TRIM44: variants seen among roughly 807,000 people sequenced by gnomAD.
The protein encoded by TRIM44 is tripartite motif-containing protein 44.
In TRIM44, 13 loss-of-function variants were observed where a neutral mutation model predicts 37.4. The ratio of observed to expected loss-of-function variants is 0.35; its 90% CI spans 0.23 to 0.55. The LOEUF (loss-of-function observed/expected upper bound fraction) is 0.55. TRIM44 is among the 20% of genes least tolerant of loss of function. The pLI is 0.89. For missense variants in TRIM44, 426 were observed against 437.2 expected, an observed-to-expected ratio of 0.97 and a Z score of 0.23; for synonymous variants, 175 against 157.2, an observed-to-expected ratio of 1.11 and a Z score of -0.85.
chr11:35,750,484 C>T (rs1048432939), intron 4 of TRIM44, among the ~76,000 whole-genome samples: 27 of 152,108 alleles, frequency 1.8e-4, no homozygotes, highest in Non-Finnish European at 3.2e-4. Context: ...CAAAGGCCAC[C>T]TTCTTGGAGC....
chr11:35,727,448 C>T (rs769971361), intron 3 of TRIM44, among the ~76,000 whole-genome samples: 9 of 152,162 alleles, frequency 5.9e-5, no homozygotes, highest in African/African-American at 2.2e-4. Flanking sequence ...TCCAAGCTAT[C>T]CTGACAGGAA....
At chr11:35,687,828 C>T (rs1156397104) in intron 2 of TRIM44, among the ~76,000 whole-genome samples, 2 of 152,180 alleles carry the variant, frequency 1.3e-5, no homozygotes, top group Non-Finnish European at 2.9e-5. Flanking sequence ...TGTATACCTG[C>T]ACCTCTTTTT....
intron 1 of TRIM44, among the ~76,000 whole-genome samples, chr11:35,684,620 C>T (rs965286215): frequency 6.6e-6 from 1 of 152,142 alleles, no homozygotes; most frequent in Non-Finnish European, 1.5e-5. Flanking sequence ...AATTAATCAA[C>T]TAGTTAATGG....
At chr11:35,797,944 GTT>G (rs1056163979) in intron 4 of TRIM44, among the ~76,000 whole-genome samples, 3 of 152,174 alleles carry the variant, frequency 2.0e-5, no homozygotes, top group Non-Finnish European at 4.4e-5. Context: ...AATTTAAAAA[GTT>G]TATTTTGCCA....
chr11:35,800,125 G>T (rs561662505), intron 4 of TRIM44, among the ~76,000 whole-genome samples: 2 of 152,040 alleles, frequency 1.3e-5, no homozygotes, highest in Non-Finnish European at 2.9e-5. Context: ...TAAAGGTGGC[G>T]TGTCCAGAGT....
chr11:35,663,462 T>G lies in TRIM44; in HGVS notation c.351T>G (p.Ser117Arg), dbSNP rs1590482693. 2 of 1,560,838 alleles carry G rather than the reference T, an allele frequency of 1.3e-6. No individual in the cohort carries two copies. The highest frequency in any genetic ancestry group is 3.9e-5 in the Admixed American group (2 of 51,482). The change falls in exon 1 of 5, where the codon AGT becomes AGG. Residue 117 changes from serine to arginine, a missense_variant. Around this residue, in one of 2 missense-constraint regions of TRIM44, gnomAD observed 331 missense variants for 303.0 expected, o/e 1.09. Transcript: ENST00000299413. ...SEEESETEEE[S>R]EDESDEESEE... ...AAGAGAGCGAGACAGAGGAAGAGAG[T>G]GAGGATGAGAGCGATGAGGAGAGTG...
intron 4 of TRIM44, among the ~76,000 whole-genome samples, chr11:35,785,174 A>C (rs1853115496): frequency 6.6e-6 from 1 of 152,238 alleles, no homozygotes; most frequent in Non-Finnish European, 1.5e-5. Flanking sequence ...TCTGAATTGA[A>C]TCTGACTTCC....
chr11:35,674,848 A>G lies in TRIM44; in HGVS notation c.670-10411A>G, dbSNP rs182165160. 3.4e-3 allele frequency among the ~76,000 whole-genome samples: 514 copies of G among 152,338 alleles called. 1 individual carries two copies. The highest frequency in any genetic ancestry group is 0.01 in the Middle Eastern group (3 of 294). ...GTATTAGAGAAAAGGTACAAACAGTATGCTATGGAAGTGGAGAGAAAAGAG... is the reference window on the plus strand; with the variant it reads ...GTATTAGAGAAAAGGTACAAACAGTGTGCTATGGAAGTGGAGAGAAAAGAG... On this transcript the variant is annotated intron_variant, in intron 1 of 4. Coordinates refer to ENST00000299413, the MANE Select transcript of TRIM44 (RefSeq NM_017583.6).
intron 4 of TRIM44, among the ~76,000 whole-genome samples, chr11:35,763,828 C>A (rs1186306050): frequency 2.0e-5 from 3 of 152,210 alleles, no homozygotes; most frequent in Non-Finnish European, 2.9e-5. Flanking sequence ...AGAATTTATT[C>A]TTCATCTCCA....
chr11:35,712,320 A>AGAAGTTATTTTAGGAATAACTTTACTT (rs1851984924), intron 2 of TRIM44, among the ~76,000 whole-genome samples: 1 of 152,230 alleles, frequency 6.6e-6, no homozygotes, highest in Non-Finnish European at 1.5e-5. Flanking sequence ...AGAAAAATAA[A>AGAAGTTATTTTAGGAATAACTTTACTT]GAAGTTATTT....
At chr11:35,705,761 C>T (rs984351434) in intron 2 of TRIM44, among the ~76,000 whole-genome samples, 7 of 147,034 alleles carry the variant, frequency 4.8e-5, no homozygotes, top group African/African-American at 1.7e-4. Flanking sequence ...ACATTCAAAG[C>T]AGTGTGTAGA....
intron 4 of TRIM44, among the ~76,000 whole-genome samples, chr11:35,801,937 A>G (rs529587230): frequency 6.6e-6 from 1 of 152,266 alleles, no homozygotes; most frequent in Non-Finnish European, 1.5e-5. Flanking sequence ...TTAATTCCTG[A>G]AATCATAGTA....
intron 4 of TRIM44, among the ~76,000 whole-genome samples, chr11:35,741,773 G>A (rs763699775): frequency 1.3e-5 from 2 of 152,126 alleles, no homozygotes; most frequent in Non-Finnish European, 1.5e-5. Context: ...GATTGCAGAG[G>A]AATTCTTTCT....
At chr11:35,737,655 G>A (rs1011534231) in intron 4 of TRIM44, among the ~76,000 whole-genome samples, 2 of 152,148 alleles carry the variant, frequency 1.3e-5, no homozygotes, top group Non-Finnish European at 2.9e-5. Flanking sequence ...GACCAACATG[G>A]TGAAACCCTC....
chr11:35,686,579 C>A (rs1362176813), intron 2 of TRIM44, among the ~76,000 whole-genome samples: 1 of 151,746 alleles, frequency 6.6e-6, no homozygotes, highest in Non-Finnish European at 1.5e-5. Context: ...TTTTTTGAGA[C>A]GGAATCTCGC....
intron 4 of TRIM44, among the ~76,000 whole-genome samples, chr11:35,758,849 G>C (rs547534883): frequency 4.3e-4 from 66 of 152,316 alleles, no homozygotes; most frequent in African/African-American, 1.6e-3. Context: ...CTGGCTTGTA[G>C]AGTTTCTGCC....
intron 2 of TRIM44, among the ~76,000 whole-genome samples, chr11:35,725,477 G>A (rs551051512): frequency 2.0e-5 from 3 of 152,108 alleles, no homozygotes; most frequent in Non-Finnish European, 2.9e-5. Context: ...GGGATTACAG[G>A]CACCCACCAC....
intron 4 of TRIM44, among the ~76,000 whole-genome samples, chr11:35,801,824 C>T (rs1853374676): frequency 6.6e-6 from 1 of 152,178 alleles, no homozygotes; most frequent in Non-Finnish European, 1.5e-5. Context: ...CACCATCCTC[C>T]TGGTCAGAAT....
chr11:35,766,481 C>T (rs574105495), intron 4 of TRIM44, among the ~76,000 whole-genome samples: 1 of 152,290 alleles, frequency 6.6e-6, no homozygotes, highest in South Asian at 2.1e-4. Flanking sequence ...TCTAAGATGA[C>T]AGTTGAGATT....
Sources: allele counts gnomAD v4.1 joint callset (sites outside exome capture counted in the v4.1 genomes callset), GRCh38; gene constraint gnomAD v4.1.1; regional missense constraint gnomAD v4.1.1; transcripts MANE v1.5; gene names NCBI Gene and HGNC (gene_info 2026-07-23, HGNC 2026-07-21).